DNAJC25: variants seen among roughly 807,000 people sequenced by gnomAD.
DNAJC25 encodes dnaJ homolog subfamily C member 25.
DNAJC25 carries 26 observed loss-of-function variants against 42.1 expected under a neutral mutation model. That is an observed-to-expected ratio of 0.62 (90% CI 0.45 to 0.86). The LOEUF (loss-of-function observed/expected upper bound fraction) is 0.86. DNAJC25 is among the 40% of genes least tolerant of loss of function. DNAJC25 has a pLI of 0.00. For missense variants in DNAJC25, 404 were observed against 459.4 expected, an observed-to-expected ratio of 0.88 and a Z score of 1.10; for synonymous variants, 189 against 179.9, an observed-to-expected ratio of 1.05 and a Z score of -0.40.
At chr9:111,643,892 T>TG (rs1427378797) in intron 1 of DNAJC25, among the ~76,000 whole-genome samples, 1 of 152,202 alleles carries the variant, frequency 6.6e-6, no homozygotes, top group African/African-American at 2.4e-5. Flanking sequence ...CTTACTAGGT[T>TG]GATTCTAAAC....
chr9:111,650,116 C>G (rs1280632626), intron 3 of DNAJC25, among the ~76,000 whole-genome samples, 193 bp downstream of exon 3: 3 of 152,116 alleles, frequency 2.0e-5, no homozygotes, highest in Admixed American at 6.5e-5. Flanking sequence ...TGTAATTTCT[C>G]TTTTTAGAGG....
chr9:111,636,713 G>A (rs1243578768), intron 1 of DNAJC25, among the ~76,000 whole-genome samples: 2 of 152,112 alleles, frequency 1.3e-5, no homozygotes, highest in Non-Finnish European at 2.9e-5. Flanking sequence ...CATTTCATAT[G>A]CCAATCCTGA....
At chr9:111,652,083 T>TA (rs1404658045) in intron 3 of DNAJC25, among the ~76,000 whole-genome samples, 3 of 152,184 alleles carry the variant, frequency 2.0e-5, no homozygotes, top group Non-Finnish European at 2.9e-5. Context: ...AAGACTATAT[T>TA]AAAAAAATAA....
intron 1 of DNAJC25, among the ~76,000 whole-genome samples, chr9:111,646,426 G>A (rs766103131): frequency 2.6e-5 from 4 of 152,164 alleles, no homozygotes; most frequent in Non-Finnish European, 5.9e-5. Context: ...CCTCATTTGT[G>A]ACCTGGGCTG....
chr9:111,634,567 T>C (rs921793842), intron 1 of DNAJC25, among the ~76,000 whole-genome samples: 1 of 152,110 alleles, frequency 6.6e-6, no homozygotes, highest in African/African-American at 2.4e-5. Context: ...AGAAGCTGAG[T>C]TCCAGTGGCT....
At position 111,653,434 on chromosome 9, in the gene DNAJC25, G is replaced by A. The variant is rs902517587; in HGVS notation, c.*212G>A. On this transcript the variant is annotated 3_prime_UTR_variant, in exon 4 of 4. Transcript: ENST00000313525. ...GTTCAATTTTTATAATCTATTTGTGGATTTTGTTAAAAGATTTCACATGAA... is the reference window on the plus strand; with the variant it reads ...GTTCAATTTTTATAATCTATTTGTGAATTTTGTTAAAAGATTTCACATGAA... 2.1e-6 allele frequency: 1 copy of A among 469,982 alleles called. No homozygotes were observed. Among genetic ancestry groups the A allele is most frequent in the African/African-American group, 2.0e-5 (1 of 49,578 alleles). The allele number at this position is 469,982 out of a possible 1,614,324, so 29.1% of individuals were successfully genotyped here.
intron 1 of DNAJC25, chr9:111,642,893 T>C (rs1183619410): frequency 2.1e-6 from 1 of 471,104 alleles, no homozygotes; most frequent in Admixed American, 2.3e-5. Flanking sequence ...GGGAGTGGAA[T>C]GGACACCAGC....
At chr9:111,646,443 A>G (rs1056231587) in intron 1 of DNAJC25, among the ~76,000 whole-genome samples, 5 of 152,250 alleles carry the variant, frequency 3.3e-5, no homozygotes, top group Non-Finnish European at 5.9e-5. Flanking sequence ...GCTGGACAAC[A>G]TATTATAGTG....
At chr9:111,642,399 T>C (rs1328841118) in intron 1 of DNAJC25, among the ~76,000 whole-genome samples, 5 of 134,910 alleles carry the variant, frequency 3.7e-5, no homozygotes, top group Admixed American at 7.6e-5. Flanking sequence ...GTTAAACAGA[T>C]GCTTGAAGGC....
intron 1 of DNAJC25, among the ~76,000 whole-genome samples, chr9:111,640,812 G>T (rs1171112588): frequency 2.3e-5 from 3 of 130,834 alleles, no homozygotes; most frequent in Non-Finnish European, 3.2e-5. Context: ...CCGCCCGGCA[G>T]CCACCCCGTC....
At chr9:111,641,418 C>T (rs1162469472) in intron 1 of DNAJC25, among the ~76,000 whole-genome samples, 3,386 of 118,102 alleles carry the variant, frequency 0.029, 4 homozygotes, top group African/African-American at 0.13. Context: ...GTCAGCCCTC[C>T]GCCCGGCCAG....
chr9:111,637,125 A>G (rs1330623021), intron 1 of DNAJC25, among the ~76,000 whole-genome samples: 1 of 152,176 alleles, frequency 6.6e-6, no homozygotes, highest in Non-Finnish European at 1.5e-5. Context: ...AGGTAAATGG[A>G]ACATTTTGAG....
intron 1 of DNAJC25, among the ~76,000 whole-genome samples, chr9:111,632,721 A>G (rs1031310961): frequency 4.8e-5 from 7 of 147,014 alleles, no homozygotes; most frequent in African/African-American, 1.0e-4. Flanking sequence ...AAAATTTTCT[A>G]TGTTGCCAGG....
chr9:111,650,386 G>GT (rs1320422294), intron 3 of DNAJC25, among the ~76,000 whole-genome samples: 1 of 151,296 alleles, frequency 6.6e-6, no homozygotes, highest in Non-Finnish European at 1.5e-5. Flanking sequence ...GATATTCTGC[G>GT]TAATAACTGA....
chr9:111,647,782 T>C (rs1202313228), intron 2 of DNAJC25, among the ~76,000 whole-genome samples: 1 of 152,176 alleles, frequency 6.6e-6, no homozygotes, highest in African/African-American at 2.4e-5. Context: ...GAACTTTCTG[T>C]TTTTGTTTTT....
chr9:111,644,749 C>A (rs1264080118), intron 1 of DNAJC25, among the ~76,000 whole-genome samples: 1 of 152,102 alleles, frequency 6.6e-6, no homozygotes, highest in Non-Finnish European at 1.5e-5. Context: ...GATTGGGATG[C>A]CGAGTTAAAG....
At chr9:111,651,135 G>A (rs6477839) in intron 3 of DNAJC25, among the ~76,000 whole-genome samples, 129,408 of 151,718 alleles carry the variant, frequency 0.85, 55,683 homozygotes, top group East Asian at 0.96. Context: ...CTGGTGGTGC[G>A]TGCATGTAAT....
chr9:111,640,143 G>A lies in DNAJC25; in HGVS notation c.337-6964G>A, dbSNP rs1473592206. Reference sequence around the variant, plus strand: ...GGGTTTCGCTGTGTTGGCCGGGCCGGTCTCCAGCCCCTAACCGCGAGTGAT... The same window carrying A: ...GGGTTTCGCTGTGTTGGCCGGGCCGATCTCCAGCCCCTAACCGCGAGTGAT... On this transcript the variant is annotated intron_variant, in intron 1 of 3. Transcript: ENST00000313525. Among the ~76,000 whole-genome samples, 28 of 78,458 alleles carry A rather than the reference G, an allele frequency of 3.6e-4. No homozygotes were observed. In the East Asian group the frequency reaches 0.017, roughly 47 times the overall value. 51.5% of individuals were successfully genotyped at this position (78,458 alleles called of 152,430 possible).
At chr9:111,633,840 C>T (rs2131254312) in intron 1 of DNAJC25, among the ~76,000 whole-genome samples, 1 of 152,314 alleles carries the variant, frequency 6.6e-6, no homozygotes, top group Non-Finnish European at 1.5e-5. Flanking sequence ...GTTTACCACT[C>T]ATTGTCAGCT....
Sources: gnomAD v4.1 joint callset for allele counts (sites outside exome capture counted in the v4.1 genomes callset) on GRCh38, gnomAD v4.1.1 for gene constraint, MANE v1.5 for transcripts, NCBI Gene and HGNC (gene_info 2026-07-23, HGNC 2026-07-21) for gene names.